Variants in RPRD2 observed in about 807,000 individuals in gnomAD.
RPRD2 encodes the protein regulation of nuclear pre-mRNA domain-containing protein 2.
A neutral mutation model predicts 104.4 loss-of-function variants in RPRD2; 12 were observed. The observed-to-expected ratio is 0.11, with a 90% CI of 0.07 to 0.19. RPRD2 has a LOEUF of 0.19. RPRD2 is among the 10% of genes least tolerant of loss of function. The pLI, the probability that RPRD2 is intolerant of heterozygous loss-of-function variation, is 1.00. For missense variants in RPRD2, 1,543 were observed against 1,790.1 expected (o/e 0.86, Z 2.49); for synonymous variants, 714 against 684.9 (o/e 1.04, Z -0.66).
intron 9 of RPRD2, among the ~76,000 whole-genome samples, chr1:150,462,534 T>G (rs1668008036): frequency 6.6e-6 from 1 of 152,204 alleles, no homozygotes; most frequent in Non-Finnish European, 1.5e-5. Flanking sequence ...TAAAACCTTT[T>G]TAATGGAATT....
At chr1:150,373,036 C>T (rs1285926444) in intron 1 of RPRD2, among the ~76,000 whole-genome samples, 7 of 149,466 alleles carry the variant, frequency 4.7e-5, no homozygotes, top group Admixed American at 1.3e-4. Flanking sequence ...TTTTTTGAGA[C>T]GGAATTTTGC....
At chr1:150,404,946 A>T (rs1460656525) in intron 1 of RPRD2, among the ~76,000 whole-genome samples, 1 of 152,140 alleles carries the variant, frequency 6.6e-6, no homozygotes, top group African/African-American at 2.4e-5. Context: ...ACCATATCTT[A>T]CTTATTCTTA....
intron 2 of RPRD2, among the ~76,000 whole-genome samples, chr1:150,424,139 A>G (rs587709848): frequency 1.3e-5 from 2 of 152,294 alleles, no homozygotes; most frequent in South Asian, 4.1e-4. Flanking sequence ...TCAGTTCAGA[A>G]TGCCTGAAAC....
intron 2 of RPRD2, among the ~76,000 whole-genome samples, chr1:150,421,779 C>G (rs1449831132): frequency 6.6e-6 from 1 of 151,938 alleles, no homozygotes; most frequent in Non-Finnish European, 1.5e-5. Flanking sequence ...GAGTTTGAGA[C>G]CAGCCTGGGC....
intron 2 of RPRD2, among the ~76,000 whole-genome samples, chr1:150,428,214 G>C (rs1270292869): frequency 1.3e-5 from 2 of 151,992 alleles, no homozygotes; most frequent in East Asian, 3.9e-4. Context: ...CACTTTGGGA[G>C]GCCGAGGTGG....
At chr1:150,374,139 A>G (rs944311597) in intron 1 of RPRD2, among the ~76,000 whole-genome samples, 1 of 152,182 alleles carries the variant, frequency 6.6e-6, no homozygotes, top group Non-Finnish European at 1.5e-5. Context: ...CCTCTGGGGA[A>G]GGGAGAAGAG....
At chr1:150,458,152 TAAG>T (rs1192116946) in intron 8 of RPRD2, among the ~76,000 whole-genome samples, 2 of 151,586 alleles carry the variant, frequency 1.3e-5, no homozygotes, top group Admixed American at 1.3e-4. Context: ...AGATGTGCTA[TAAG>T]TATAAAATAC....
chr1:150,382,499 C>T (rs1203579157), intron 1 of RPRD2, among the ~76,000 whole-genome samples: 1 of 151,948 alleles, frequency 6.6e-6, no homozygotes, highest in Non-Finnish European at 1.5e-5. Context: ...GCTGGGATTA[C>T]AGGCACCCAT....
chr1:150,464,749 G>T (rs782004097), intron 10 of RPRD2, 22 bp downstream of exon 10: 2 of 1,574,284 alleles, frequency 1.3e-6, no homozygotes, highest in South Asian at 2.3e-5. Context: ...ATGCCAGAGG[G>T]ACTCGAATTG....
In RPRD2 at chr1:150,442,126, T is replaced by TA. The variant is rs59941019; in HGVS notation, c.514+184dup. ...AAACAAGCCATCATGGAGATACTTCTAAAAAAAAAAAAAAAAGCAAACAAA... is the reference window on the plus strand; with the variant it reads ...AAACAAGCCATCATGGAGATACTTCTAAAAAAAAAAAAAAAAAGCAAACAAA... On this transcript the variant is annotated intron_variant, in intron 4 of 10. Transcript: ENST00000369068. 3.3e-3 allele frequency among the ~76,000 whole-genome samples: 417 copies of TA among 126,486 alleles called. 3 individuals are homozygous for TA. Among genetic ancestry groups the TA allele is most frequent in the South Asian group, 0.026 (103 of 3,930 alleles). 83.0% of individuals were successfully genotyped at this position (126,486 alleles called of 152,430 possible).
intron 7 of RPRD2, 119 bp from the exon 8 acceptor site, chr1:150,457,169 A>G: frequency 2.2e-6 from 2 of 922,084 alleles, no homozygotes; most frequent in Middle Eastern, 3.2e-4. Flanking sequence ...GGTTGCAGTG[A>G]ACCAAGATTG....
At chr1:150,401,730 G>A (rs587653162) in intron 1 of RPRD2, among the ~76,000 whole-genome samples, 24 of 150,522 alleles carry the variant, frequency 1.6e-4, no homozygotes, top group Admixed American at 8.6e-4. Flanking sequence ...TGCAAACGCC[G>A]CCTCCTGGTT....
chr1:150,412,911 T>C (rs1664042235), intron 1 of RPRD2, among the ~76,000 whole-genome samples: 1 of 152,076 alleles, frequency 6.6e-6, no homozygotes, highest in Non-Finnish European at 1.5e-5. Flanking sequence ...TCTTGAGATA[T>C]AAAATCGCAT....
rs1553898502 is a variant in RPRD2, at chr1:150,460,151, A to G, written c.1245A>G (p.Ser415=). 8 of 1,613,992 alleles carry G rather than the reference A, an allele frequency of 5.0e-6. No homozygotes were observed. Among genetic ancestry groups the G allele is most frequent in the East Asian group, 2.2e-5 (1 of 44,888 alleles). The change falls in exon 9 of 11, where the codon TCA becomes TCG. Residue 415 remains serine (S), a synonymous_variant. Transcript: ENST00000369068. ...CAGAAAATATCTCAAAGGCCTCTTC[A>G]TGTACCCCAGTGCCTGTGACCATGA... ...KPTENISKAS[S]CTPVPVTMTA...
chr1:150,401,251 G>T (rs1248715506), intron 1 of RPRD2, among the ~76,000 whole-genome samples: 3 of 152,082 alleles, frequency 2.0e-5, no homozygotes, highest in African/African-American at 7.2e-5. Context: ...ACTTTGGGAG[G>T]CTCAGGTAGG....
intron 2 of RPRD2, among the ~76,000 whole-genome samples, chr1:150,431,069 G>A (rs1572459398): frequency 6.6e-6 from 1 of 152,098 alleles, no homozygotes; most frequent in East Asian, 1.9e-4. Flanking sequence ...TATAAAACAA[G>A]CAGTTTTAAA....
Position 150,471,267 on chromosome 1 carries a change from G to A in RPRD2, c.2319G>A (p.Gly773=), listed in dbSNP as rs1268733379. 1 of 1,612,942 alleles carries A rather than the reference G, an allele frequency of 6.2e-7. No homozygotes were observed. The highest frequency in any genetic ancestry group is 8.5e-7 in the Non-Finnish European group (1 of 1,179,584). The part of the protein sequence containing the change: ...TPSSTRSPPP[G]RDESYPRELS... ...GCAGTACAAGATCACCACCCCCTGG[G>A]AGAGATGAAAGCTACCCCCGAGAGC... Residue 773 remains glycine (G), a synonymous_variant, in exon 11 of 11, where the codon GGG becomes GGA. Transcript: ENST00000369068. The surrounding 1 kb of genome is among the most constrained non-coding windows in gnomAD (Gnocchi z 5.3).
intron 2 of RPRD2, among the ~76,000 whole-genome samples, chr1:150,423,694 T>TGATGCACACAA (rs587743684): frequency 9.5e-4 from 145 of 152,128 alleles, no homozygotes; most frequent in African/African-American, 3.4e-3. Context: ...AGCACCAACA[T>TGATGCACACAA]GATGCACACA....
Position 150,466,319 on chromosome 1 carries a change from A to C in RPRD2, c.1612+1592A>C, listed in dbSNP as rs936892773. Reference sequence around the variant, plus strand: ...TGTGAACCCAGGAGGTGGAGGTTGCAGTGAGCCAAGATTGCCCCACTACAC... The same window carrying C: ...TGTGAACCCAGGAGGTGGAGGTTGCCGTGAGCCAAGATTGCCCCACTACAC... On this transcript the variant is annotated intron_variant, in intron 10 of 10. Transcript: ENST00000369068. Among the ~76,000 whole-genome samples, 4 of 150,358 alleles carry C rather than the reference A, an allele frequency of 2.7e-5. No individual in the cohort carries two copies. In the East Asian group the frequency reaches 7.8e-4, roughly 29 times the overall value.
Sources: allele counts gnomAD v4.1 joint callset (sites outside exome capture counted in the v4.1 genomes callset), GRCh38; gene constraint gnomAD v4.1.1; non-coding constraint Gnocchi (gnomAD v3.1); transcripts MANE v1.5; gene names NCBI Gene and HGNC (gene_info 2026-07-23, HGNC 2026-07-21).